RAB2A: variants seen among roughly 807,000 people sequenced by gnomAD.
RAB2A encodes RAB2A, member RAS oncogene family, also known as ras-related protein Rab-2A.
Under a neutral mutation model 32.5 loss-of-function variants are expected in RAB2A, and 7 were observed. That is an observed-to-expected ratio of 0.22 (90% CI 0.12 to 0.40). The LOEUF is 0.40. RAB2A is among the 10% of genes least tolerant of loss of function. RAB2A has a pLI of 1.00. For synonymous variants in RAB2A, 79 were observed against 85.2 expected (o/e 0.93, Z 0.40); for missense variants, 108 against 260.7 (o/e 0.41, Z 4.03).
chr8:60,557,238 G>A (rs1220610790), intron 1 of RAB2A, among the ~76,000 whole-genome samples: 5 of 152,110 alleles, frequency 3.3e-5, no homozygotes, highest in South Asian at 4.1e-4. Context: ...CATCCCAGCC[G>A]GGCATGGTAG....
chr8:60,547,646 G>A (rs1807758522), intron 1 of RAB2A, among the ~76,000 whole-genome samples: 2 of 121,890 alleles, frequency 1.6e-5, no homozygotes, highest in Non-Finnish European at 3.6e-5. Flanking sequence ...GGCTGGCCAG[G>A]CGGGGGGCTG....
chr8:60,519,485 G>C (rs566194916), intron 1 of RAB2A, among the ~76,000 whole-genome samples: 1 of 152,238 alleles, frequency 6.6e-6, no homozygotes, highest in South Asian at 2.1e-4. Flanking sequence ...TGAGTTTTCC[G>C]TAATGCCTTC....
At position 60,590,128 on chromosome 8, in the gene RAB2A, AT is replaced by A. The variant is rs1278501969; in HGVS notation, c.363-1725del. Among the ~76,000 whole-genome samples the A allele has an allele frequency of 5.9e-5, 9 of 151,978 alleles. No individual in the cohort carries two copies. The South Asian group carries it at 1.7e-3, about 28-fold the overall frequency. ...AGGCACCCACCATCATACCCAGCTA[AT>A]TTTTGTATTTTTGTAGAGACGGGGT... On this transcript the variant is annotated intron_variant, in intron 5 of 7. Transcript: ENST00000262646.
intron 1 of RAB2A, among the ~76,000 whole-genome samples, chr8:60,555,528 A>G (rs1807924177): frequency 6.6e-6 from 1 of 152,144 alleles, no homozygotes; most frequent in African/African-American, 2.4e-5. Flanking sequence ...AAAAAATCTG[A>G]TTTAAAAATG....
intron 1 of RAB2A, among the ~76,000 whole-genome samples, chr8:60,525,971 C>A (rs988864081): frequency 3.3e-5 from 4 of 122,478 alleles, no homozygotes; most frequent in South Asian, 2.6e-4. Context: ...ATATATATGT[C>A]TATATGTCTA....
At chr8:60,564,176 G>A (rs1028091497) in intron 2 of RAB2A, among the ~76,000 whole-genome samples, 17 of 152,258 alleles carry the variant, frequency 1.1e-4, no homozygotes, top group Admixed American at 9.8e-4. Flanking sequence ...ACTCTCAGCT[G>A]ATAACCTTGG....
At chr8:60,548,634 G>A (rs1445768082) in intron 1 of RAB2A, among the ~76,000 whole-genome samples, 1 of 144,120 alleles carries the variant, frequency 6.9e-6, no homozygotes, top group Non-Finnish European at 1.5e-5. Context: ...GGCTGGCCGA[G>A]CGGGGGGCTG....
intron 6 of RAB2A, among the ~76,000 whole-genome samples, chr8:60,615,617 G>A (rs1804436376): frequency 6.6e-6 from 1 of 152,062 alleles, no homozygotes; most frequent in African/African-American, 2.4e-5. Flanking sequence ...CATCTTAAGT[G>A]GAGGAGATTT....
Position 60,551,217 on chromosome 8 carries a change from A to G in RAB2A, c.47-7635A>G, listed in dbSNP as rs138238517. Among the ~76,000 whole-genome samples, 1,395 of 152,274 alleles carry G rather than the reference A, an allele frequency of 9.2e-3. 22 individuals are homozygous for G. The highest frequency in any genetic ancestry group is 0.032 in the African/African-American group (1,344 of 41,536). ...GATTCTATTTCTCTCCCTCTTCTGT[A>G]TACATGTACACATTTGTGCACACAT... On this transcript the variant is annotated intron_variant, in intron 1 of 7. Transcript: ENST00000262646.
chr8:60,570,974 CA>C (rs1253647031), intron 2 of RAB2A, among the ~76,000 whole-genome samples: 90 of 152,312 alleles, frequency 5.9e-4, no homozygotes, highest in African/African-American at 2.1e-3. Context: ...GTCTTCCCTT[CA>C]CCCTGACTCT....
chr8:60,566,784 C>G (rs1384308184), intron 2 of RAB2A, among the ~76,000 whole-genome samples: 4 of 152,108 alleles, frequency 2.6e-5, no homozygotes, highest in African/African-American at 9.7e-5. Flanking sequence ...TTTGGAGTTC[C>G]CAGTATCTGT....
At chr8:60,540,588 C>T (rs151336326) in intron 1 of RAB2A, among the ~76,000 whole-genome samples, 2 of 152,256 alleles carry the variant, frequency 1.3e-5, no homozygotes, top group African/African-American at 4.8e-5. Flanking sequence ...TAAGCGATTC[C>T]CGTGCCTCAG....
intron 6 of RAB2A, among the ~76,000 whole-genome samples, chr8:60,608,898 T>G (rs1271362574): frequency 6.6e-6 from 1 of 152,208 alleles, no homozygotes; most frequent in Non-Finnish European, 1.5e-5. Flanking sequence ...TACGTATCAC[T>G]TTTCACCTGT....
chr8:60,568,726 C>T (rs993531398), intron 2 of RAB2A, among the ~76,000 whole-genome samples: 2 of 152,130 alleles, frequency 1.3e-5, no homozygotes, highest in Non-Finnish European at 2.9e-5. Flanking sequence ...AATAACATAT[C>T]TGAGAAAATA....
At chr8:60,558,744 T>G in intron 1 of RAB2A, 108 bp from the exon 2 acceptor site, 1 of 866,084 alleles carries the variant, frequency 1.2e-6, no homozygotes, top group East Asian at 2.5e-5. Flanking sequence ...CATGGTAGAT[T>G]ATTCACAGTG....
chr8:60,610,513 T>G (rs1249851254), intron 6 of RAB2A, among the ~76,000 whole-genome samples: 3 of 152,214 alleles, frequency 2.0e-5, no homozygotes, highest in African/African-American at 7.2e-5. Flanking sequence ...TTCTGAGTGT[T>G]AAGCCCATGG....
intron 2 of RAB2A, among the ~76,000 whole-genome samples, chr8:60,562,517 A>T (rs910549710): frequency 6.6e-6 from 1 of 152,222 alleles, no homozygotes; most frequent in African/African-American, 2.4e-5. Context: ...ATGGTAGCTA[A>T]CATGAACTAT....
intron 6 of RAB2A, among the ~76,000 whole-genome samples, chr8:60,616,353 A>T (rs1804448942): frequency 6.6e-6 from 1 of 152,210 alleles, no homozygotes; most frequent in Non-Finnish European, 1.5e-5. Flanking sequence ...TGAAGTTATA[A>T]CTCACTTATG....
intron 1 of RAB2A, among the ~76,000 whole-genome samples, chr8:60,554,852 C>CA (rs577274037): frequency 0.023 from 3,163 of 136,566 alleles, 88 homozygotes; most frequent in African/African-American, 0.077. Flanking sequence ...GACTCCGTCT[C>CA]AAAAAAAAAA....
Sources: allele counts gnomAD v4.1 joint callset (sites outside exome capture counted in the v4.1 genomes callset), GRCh38; gene constraint gnomAD v4.1.1; transcripts MANE v1.5; gene names NCBI Gene and HGNC (gene_info 2026-07-23, HGNC 2026-07-21).